The following AQP7B variants were observed in gnomAD, a reference collection of about 807,000 sequenced individuals.
The protein encoded by AQP7B is aquaporin 7B, also known as putative aquaporin-7B.
the AQP7B span, among the ~76,000 whole-genome samples, chr2:94,598,607 C>G: frequency 6.6e-6 from 1 of 152,184 alleles, no homozygotes; most frequent in African/African-American, 2.4e-5. Flanking sequence ...CTCCAGCTGA[C>G]TGTTGTCATG....
chr2:94,602,643 G>A, the AQP7B span: 7 of 1,567,572 alleles, frequency 4.5e-6, no homozygotes, highest in Middle Eastern at 2.3e-4. Flanking sequence ...CTACCAGACT[G>A]GGCAAGACCA....
At chr2:94,599,142 G>A in the AQP7B span, among the ~76,000 whole-genome samples, 52 of 152,186 alleles carry the variant, frequency 3.4e-4, no homozygotes, top group African/African-American at 1.1e-3. Flanking sequence ...ATTGGAATGC[G>A]GGAAAGGCCA....
At chr2:94,591,319 G>A in the AQP7B span, among the ~76,000 whole-genome samples, 1 of 152,112 alleles carries the variant, frequency 6.6e-6, no homozygotes, top group Admixed American at 6.5e-5. Context: ...TGTGCCCCAC[G>A]CTAGTCATTC....
chr2:94,595,860 G>T, the AQP7B span, among the ~76,000 whole-genome samples: 1 of 152,198 alleles, frequency 6.6e-6, no homozygotes, highest in African/African-American at 2.4e-5. Context: ...TTAAACACAG[G>T]CAAGGGGCTG....
the AQP7B span, among the ~76,000 whole-genome samples, chr2:94,590,871 G>A: frequency 1.2e-3 from 186 of 149,030 alleles, 3 homozygotes; most frequent in African/African-American, 3.3e-3. Flanking sequence ...TTGAACCCTG[G>A]GAAGTCTAGG....
At chr2:94,601,426 C>G in the AQP7B span, among the ~76,000 whole-genome samples, 1 of 152,180 alleles carries the variant, frequency 6.6e-6, no homozygotes, top group Non-Finnish European at 1.5e-5. Flanking sequence ...ATCTGGCTCC[C>G]CCACAGAGGT....
chr2:94,594,211 A>T, the AQP7B span, among the ~76,000 whole-genome samples: 54 of 152,272 alleles, frequency 3.5e-4, no homozygotes, highest in Admixed American at 3.0e-3. Flanking sequence ...TTTTGACAGA[A>T]CCTGGCACAT....
chr2:94,601,410 A>G, the AQP7B span, among the ~76,000 whole-genome samples: 4 of 152,200 alleles, frequency 2.6e-5, no homozygotes, highest in Non-Finnish European at 4.4e-5. Flanking sequence ...GGATTTGCAA[A>G]TAGGCATCTG....
the AQP7B span, among the ~76,000 whole-genome samples, chr2:94,591,084 TC>T: frequency 6.6e-6 from 1 of 152,076 alleles, no homozygotes; most frequent in African/African-American, 2.4e-5. Context: ...AGGCTGGCTT[TC>T]TTGGGCCCCT....
At chr2:94,603,190 G>A in the AQP7B span, 7 of 1,478,342 alleles carry the variant, frequency 4.7e-6, no homozygotes, top group African/African-American at 9.7e-5. Flanking sequence ...TGTGCTGCCT[G>A]GGTGTCCACC....
the AQP7B span, chr2:94,604,436 A>G: frequency 6.2e-7 from 1 of 1,611,508 alleles, no homozygotes; most frequent in Admixed American, 1.7e-5. Context: ...AGACCACGGG[A>G]TAACCGTATT....
the AQP7B span, among the ~76,000 whole-genome samples, chr2:94,599,024 G>A: frequency 2.0e-5 from 3 of 152,050 alleles, no homozygotes; most frequent in Non-Finnish European, 2.9e-5. Context: ...GGCAGGTCTC[G>A]AACTCCTGAC....
chr2:94,596,067 G>A, the AQP7B span, among the ~76,000 whole-genome samples: 16 of 152,354 alleles, frequency 1.1e-4, no homozygotes, highest in Middle Eastern at 6.8e-3. Context: ...AACCAGAGCT[G>A]ACTGCATGAC....
chr2:94,587,537 T>G, the AQP7B span, among the ~76,000 whole-genome samples: 3 of 152,166 alleles, frequency 2.0e-5, no homozygotes, highest in Admixed American at 6.5e-5. Flanking sequence ...GAGCCCTGGC[T>G]GGGAGTGGAA....
At chr2:94,594,840 C>G in the AQP7B span, 1 of 1,555,806 alleles carries the variant, frequency 6.4e-7, no homozygotes, top group Admixed American at 1.7e-5. Flanking sequence ...TGCGAGAGTT[C>G]TTGGCCGAGT....
At chr2:94,593,466 T>A in the AQP7B span, among the ~76,000 whole-genome samples, 1 of 145,458 alleles carries the variant, frequency 6.9e-6, no homozygotes, top group African/African-American at 2.5e-5. Context: ...GGTATCTGTA[T>A]CCCTCCTCTT....
At chr2:94,591,020 CTTGGTTAGCAGA>C in the AQP7B span, among the ~76,000 whole-genome samples, 4 of 151,376 alleles carry the variant, frequency 2.6e-5, no homozygotes, top group Non-Finnish European at 2.9e-5. Flanking sequence ...TATTTAGTTC[CTTGGTTAGCAGA>C]TTACTTAGGG....
At chr2:94,604,210 C>G in the AQP7B span, 1 of 1,410,494 alleles carries the variant, frequency 7.1e-7, no homozygotes, top group East Asian at 2.3e-5. Context: ...CTCTGCTCAA[C>G]CAGTCTTCGC....
At chr2:94,593,947 C>G in the AQP7B span, among the ~76,000 whole-genome samples, 5 of 152,158 alleles carry the variant, frequency 3.3e-5, no homozygotes, top group African/African-American at 1.2e-4. Context: ...GTGCCAGGCC[C>G]TTTGGGAAGC....
Sources: gnomAD v4.1 joint callset for allele counts (sites outside exome capture counted in the v4.1 genomes callset) on GRCh38, gnomAD v4.1.1 for gene constraint, MANE v1.5 for transcripts, NCBI Gene and HGNC (gene_info 2026-07-23, HGNC 2026-07-21) for gene names.